GRIK4: variants seen among roughly 807,000 people sequenced by gnomAD.
GRIK4 encodes the protein glutamate ionotropic receptor kainate type subunit 4.
Under a neutral mutation model 104.9 loss-of-function variants are expected in GRIK4, and 40 were observed. That is an observed-to-expected ratio of 0.38 (90% CI 0.30 to 0.50). The LOEUF is 0.50. Ranked by LOEUF, GRIK4 falls within the 20% of genes least tolerant of loss-of-function variation. The pLI, the probability that GRIK4 is intolerant of heterozygous loss-of-function variation, is 0.93. For synonymous variants in GRIK4, 485 were observed against 524.9 expected (o/e 0.92, Z 1.04); for missense variants, 1,047 against 1,308.1 (o/e 0.80, Z 3.08).
intron 1 of GRIK4, among the ~76,000 whole-genome samples, chr11:120,609,122 G>A (rs1471282375): frequency 6.6e-6 from 1 of 152,148 alleles, no homozygotes; most frequent in African/African-American, 2.4e-5. Flanking sequence ...GCCCAACCCT[G>A]CGTGCTCCCA....
At chr11:120,860,633 A>G (rs1954236404) in intron 8 of GRIK4, among the ~76,000 whole-genome samples, 1 of 152,166 alleles carries the variant, frequency 6.6e-6, no homozygotes, top group Non-Finnish European at 1.5e-5. Flanking sequence ...TCTTCCACTA[A>G]CTGCAAGCTT....
chr11:120,612,310 A>G (rs2135149621), intron 1 of GRIK4, among the ~76,000 whole-genome samples: 1 of 152,276 alleles, frequency 6.6e-6, no homozygotes. Flanking sequence ...CTATATTTGT[A>G]GTGTGGAAGC....
intron 1 of GRIK4, among the ~76,000 whole-genome samples, chr11:120,639,926 C>T (rs1313146416): frequency 1.3e-5 from 2 of 152,160 alleles, no homozygotes; most frequent in African/African-American, 2.4e-5. Flanking sequence ...CCATCTTTGA[C>T]CCGGATCCTA....
At chr11:120,627,478 G>C (rs1336325273) in intron 1 of GRIK4, among the ~76,000 whole-genome samples, 2 of 152,226 alleles carry the variant, frequency 1.3e-5, no homozygotes, top group Non-Finnish European at 2.9e-5. Context: ...AGGTGGGGTT[G>C]TGCTAGCTCC....
chr11:120,678,935 GT>G (rs56145030), intron 3 of GRIK4, among the ~76,000 whole-genome samples: 68,033 of 148,404 alleles, frequency 0.46, 15,588 homozygotes, highest in East Asian at 0.55. Flanking sequence ...GCCTGGCCTG[GT>G]TTTTTTTTTT....
intron 13 of GRIK4, among the ~76,000 whole-genome samples, chr11:120,929,594 T>C (rs765464952): frequency 6.6e-6 from 1 of 152,152 alleles, no homozygotes; most frequent in Non-Finnish European, 1.5e-5. Context: ...CTGGGGAGAA[T>C]TGGGAAGCAG....
At position 120,601,030 on chromosome 11, in the gene GRIK4, G is replaced by A. The variant is rs570122069; in HGVS notation, c.-158-52655G>A. Among the ~76,000 whole-genome samples the A allele has an allele frequency of 2.0e-5, 3 of 152,282 alleles. No homozygotes were observed. In the South Asian group the frequency reaches 6.2e-4, roughly 32 times the overall value. On this transcript the variant is annotated intron_variant, in intron 1 of 20. Transcript: ENST00000527524. ...GGATCGTGCCACTGCACTCTAGCCTGGTGACAGAGTGAGACCTTGTCACAA... is the reference window on the plus strand; with the variant it reads ...GGATCGTGCCACTGCACTCTAGCCTAGTGACAGAGTGAGACCTTGTCACAA...
chr11:120,528,494 C>T (rs1038588139), intron 1 of GRIK4, among the ~76,000 whole-genome samples: 1 of 152,208 alleles, frequency 6.6e-6, no homozygotes, highest in East Asian at 1.9e-4. Flanking sequence ...AGGGCAGGGA[C>T]TATGGGGGAC....
At chr11:120,682,396 A>G (rs1950208134) in intron 3 of GRIK4, among the ~76,000 whole-genome samples, 1 of 152,120 alleles carries the variant, frequency 6.6e-6, no homozygotes, top group African/African-American at 2.4e-5. Flanking sequence ...GAGGAGACAC[A>G]CTTGCTTATT....
intron 8 of GRIK4, among the ~76,000 whole-genome samples, chr11:120,860,356 G>A (rs1477536710): frequency 6.6e-6 from 1 of 152,190 alleles, no homozygotes; most frequent in Non-Finnish European, 1.5e-5. Context: ...TTGGGGGCCA[G>A]GGCTCAGAGC....
intron 13 of GRIK4, among the ~76,000 whole-genome samples, chr11:120,935,619 C>T (rs556124700): frequency 1.3e-5 from 2 of 152,316 alleles, no homozygotes; most frequent in East Asian, 3.9e-4. Flanking sequence ...GTCAACCAAA[C>T]AGCTGCAACC....
intron 7 of GRIK4, 94 bp downstream of exon 7, chr11:120,832,124 C>G: frequency 2.6e-6 from 2 of 776,104 alleles, no homozygotes; most frequent in South Asian, 1.9e-5. Context: ...TGACGGAGCC[C>G]CGGGCTGGAC....
intron 3 of GRIK4, among the ~76,000 whole-genome samples, chr11:120,800,971 C>CT (rs11379818): frequency 0.13 from 20,198 of 152,234 alleles, 4,254 homozygotes; most frequent in African/African-American, 0.45. Flanking sequence ...ACGTAATTCA[C>CT]TTTAAGTATA....
At chr11:120,660,892 G>A (rs1949802559) in intron 3 of GRIK4, among the ~76,000 whole-genome samples, 1 of 152,170 alleles carries the variant, frequency 6.6e-6, no homozygotes, top group Admixed American at 6.5e-5. Flanking sequence ...GCTGTGGCCT[G>A]GCTCTGAGAG....
chr11:120,750,850 A>G (rs1318113551), intron 3 of GRIK4, among the ~76,000 whole-genome samples: 3 of 152,234 alleles, frequency 2.0e-5, no homozygotes, highest in Non-Finnish European at 4.4e-5. Flanking sequence ...CAAATCAGAA[A>G]GTAGGCATTG....
chr11:120,554,277 A>C (rs905221724), intron 1 of GRIK4, among the ~76,000 whole-genome samples: 1 of 152,234 alleles, frequency 6.6e-6, no homozygotes, highest in Non-Finnish European at 1.5e-5. Flanking sequence ...TTATGTTCTA[A>C]AACCGCTCTG....
intron 1 of GRIK4, among the ~76,000 whole-genome samples, chr11:120,599,016 A>G (rs184162806): frequency 6.6e-6 from 1 of 152,340 alleles, no homozygotes; most frequent in Non-Finnish European, 1.5e-5. Context: ...CTTTGTGGTC[A>G]TTCTGCGTTA....
chr11:120,920,950 G>A (rs1014745924), intron 13 of GRIK4, among the ~76,000 whole-genome samples: 2 of 152,108 alleles, frequency 1.3e-5, no homozygotes, highest in African/African-American at 4.8e-5. Flanking sequence ...CCTCCTCTTG[G>A]TTCCTTGGAC....
At chr11:120,805,636 C>T (rs1471690883) in intron 4 of GRIK4, among the ~76,000 whole-genome samples, 1 of 152,220 alleles carries the variant, frequency 6.6e-6, no homozygotes, top group Admixed American at 6.5e-5. Flanking sequence ...ACTTCTGGAT[C>T]TTCCCACTCC....
Sources: gnomAD v4.1 joint callset for allele counts (sites outside exome capture counted in the v4.1 genomes callset) on GRCh38, gnomAD v4.1.1 for gene constraint, MANE v1.5 for transcripts, NCBI Gene and HGNC (gene_info 2026-07-23, HGNC 2026-07-21) for gene names.